The following COL14A1 variants were observed in gnomAD, a reference collection of about 807,000 sequenced individuals.
COL14A1 encodes collagen alpha-1(XIV) chain.
COL14A1 carries 136 observed loss-of-function variants against 230.3 expected under a neutral mutation model. That is an observed-to-expected ratio of 0.59 (90% CI 0.51 to 0.68). The LOEUF (loss-of-function observed/expected upper bound fraction) is 0.68, where lower values mean the gene tolerates loss of function less well. COL14A1 is among the 30% of genes least tolerant of loss of function. The probability of loss-of-function intolerance (pLI) is 0.00; values close to 1 mark genes in which losing one functional copy is unlikely to be tolerated. For synonymous variants in COL14A1, 792 were observed against 784.1 expected, an observed-to-expected ratio of 1.01 and a Z score of -0.17; for missense variants, 1,976 against 2,215.8, an observed-to-expected ratio of 0.89 and a Z score of 2.17.
At chr8:120,196,415 G>A (rs1385038780) in intron 5 of COL14A1, among the ~76,000 whole-genome samples, 1 of 152,130 alleles carries the variant, frequency 6.6e-6, no homozygotes, top group African/African-American at 2.4e-5. Flanking sequence ...CCTCCTGGCC[G>A]TCTTCCCATC....
At chr8:120,276,599 T>A (rs891009487) in intron 26 of COL14A1, among the ~76,000 whole-genome samples, 7 of 151,846 alleles carry the variant, frequency 4.6e-5, no homozygotes, top group African/African-American at 1.7e-4. Flanking sequence ...TGGTTTTCTG[T>A]CCTTGTGATA....
chr8:120,276,912 G>A (rs1323068302), intron 26 of COL14A1, among the ~76,000 whole-genome samples: 3 of 152,150 alleles, frequency 2.0e-5, no homozygotes, highest in East Asian at 3.9e-4. Context: ...TCAGAAAGAA[G>A]CAAGTTCCCT....
At chr8:120,146,020 G>A (rs1292327280) in intron 1 of COL14A1, among the ~76,000 whole-genome samples, 1 of 152,144 alleles carries the variant, frequency 6.6e-6, no homozygotes, top group Non-Finnish European at 1.5e-5. Context: ...TTCCTAAGAT[G>A]CTTCTACCAT....
intron 38 of COL14A1, 140 bp from the exon 39 acceptor site, chr8:120,315,393 A>AGT: frequency 3.3e-6 from 1 of 299,442 alleles, no homozygotes; most frequent in Non-Finnish European, 5.9e-6. Context: ...AAAAAAAAAA[A>AGT]GTGTATATAT....
At chr8:120,334,977 C>T (rs994052180) in intron 42 of COL14A1, among the ~76,000 whole-genome samples, 5 of 152,134 alleles carry the variant, frequency 3.3e-5, no homozygotes, top group Admixed American at 2.6e-4. Context: ...AGACAATAAA[C>T]GTATTTGTGC....
chr8:120,187,595 T>C (rs1176959969), intron 5 of COL14A1, among the ~76,000 whole-genome samples: 1 of 152,206 alleles, frequency 6.6e-6, no homozygotes, highest in Non-Finnish European at 1.5e-5. Flanking sequence ...TGAATAAACA[T>C]GGGTTTGGAG....
At chr8:120,283,176 G>A (rs1455092767) in intron 31 of COL14A1, among the ~76,000 whole-genome samples, 1 of 152,196 alleles carries the variant, frequency 6.6e-6, no homozygotes, top group Non-Finnish European at 1.5e-5. Context: ...GGTGGATCTG[G>A]ATGGTGCAAC....
chr8:120,296,806 G>A (rs1249747513), intron 34 of COL14A1, among the ~76,000 whole-genome samples: 5 of 151,900 alleles, frequency 3.3e-5, no homozygotes, highest in Non-Finnish European at 7.4e-5. Flanking sequence ...ATGATCAATG[G>A]CTTAAATAAG....
At chr8:120,144,491 GC>G (rs1359255850) in intron 1 of COL14A1, among the ~76,000 whole-genome samples, 10 of 152,122 alleles carry the variant, frequency 6.6e-5, no homozygotes, top group African/African-American at 2.4e-4. Flanking sequence ...GCAAGGTTCA[GC>G]ATCCGTTCTT....
Position 120,208,365 on chromosome 8 carries a change from T to TA in COL14A1, c.1321+4_1321+5insA. 6.2e-7 allele frequency: 1 copy of TA among 1,611,736 alleles called. No homozygotes were observed. The highest frequency in any genetic ancestry group is 8.5e-7 in the Non-Finnish European group (1 of 1,178,802). ...CTACGGGGAACTGAAACTACACGTATGTATTTAATTCTACCCCACTTCTAA... is the reference window on the plus strand; with the variant it reads ...CTACGGGGAACTGAAACTACACGTATAGTATTTAATTCTACCCCACTTCTAA... On this transcript the variant is annotated splice_donor_region_variant and intron_variant, in intron 11 of 47. Transcript: ENST00000297848.
At chr8:120,370,138 T>C (rs1187838400) in intron 47 of COL14A1, among the ~76,000 whole-genome samples, 1 of 152,172 alleles carries the variant, frequency 6.6e-6, no homozygotes, top group Non-Finnish European at 1.5e-5. Context: ...ACATAGTCAC[T>C]CTTGGAAGCA....
At position 120,199,420 on chromosome 8, in the gene COL14A1, T is replaced by C; in HGVS notation, c.731T>C (p.Ile244Thr). The C allele has an allele frequency of 6.2e-7, 1 of 1,602,138 alleles. No homozygotes were observed. Among genetic ancestry groups the C allele is most frequent in the East Asian group, 2.2e-5 (1 of 44,548 alleles). The change falls in exon 8 of 48, where the codon ATT (isoleucine) becomes ACT (threonine). Residue 244 changes from isoleucine to threonine, a missense_variant. Coordinates refer to ENST00000297848, the MANE Select transcript of COL14A1 (RefSeq NM_021110.4). ...NTLTGLALNYIFENSFKPEAG... is the reference protein window; with the variant it reads ...NTLTGLALNYTFENSFKPEAG... ...CTCCAAGGTCTTGCTTTGAACTACA[T>C]TTTTGAAAATAGCTTCAAACCAGAA... is the stretch of plus-strand genomic sequence containing the variant.
At chr8:120,341,164 C>T (rs1429523532) in intron 42 of COL14A1, among the ~76,000 whole-genome samples, 161 bp from the exon 43 acceptor site, 3 of 152,114 alleles carry the variant, frequency 2.0e-5, no homozygotes, top group African/African-American at 7.2e-5. Flanking sequence ...GTTTGGTGTG[C>T]GTACTGGTTG....
chr8:120,140,650 G>C (rs1020983694), intron 1 of COL14A1, among the ~76,000 whole-genome samples: 4 of 152,144 alleles, frequency 2.6e-5, no homozygotes, highest in African/African-American at 7.2e-5. Context: ...GCGTGAGAGA[G>C]AGTGAGTGTG....
chr8:120,300,150 A>C (rs542088516), intron 35 of COL14A1, among the ~76,000 whole-genome samples: 5 of 151,496 alleles, frequency 3.3e-5, no homozygotes, highest in African/African-American at 9.7e-5. Context: ...CTAAGAGAGA[A>C]GAAAAATGTT....
intron 23 of COL14A1, among the ~76,000 whole-genome samples, chr8:120,261,199 T>C (rs1240611690): frequency 6.6e-6 from 1 of 152,208 alleles, no homozygotes; most frequent in Non-Finnish European, 1.5e-5. Flanking sequence ...TATGAAAATA[T>C]CACACAAACC....
intron 1 of COL14A1, among the ~76,000 whole-genome samples, chr8:120,145,572 G>T (rs1276127505): frequency 6.6e-6 from 1 of 152,124 alleles, no homozygotes; most frequent in Non-Finnish European, 1.5e-5. Context: ...TGAGCAGATC[G>T]CACCGTTGCA....
At chr8:120,209,053 A>G (rs1817536055) in intron 11 of COL14A1, among the ~76,000 whole-genome samples, 1 of 152,218 alleles carries the variant, frequency 6.6e-6, no homozygotes, top group Non-Finnish European at 1.5e-5. Context: ...AGGCACTGTG[A>G]TCATCACTCT....
intron 40 of COL14A1, among the ~76,000 whole-genome samples, chr8:120,326,005 A>G (rs1004618162): frequency 6.6e-6 from 1 of 152,200 alleles, no homozygotes; most frequent in Non-Finnish European, 1.5e-5. Context: ...ACCCTACAAA[A>G]TGCAGTTATT....
Sources: allele counts gnomAD v4.1 joint callset (sites outside exome capture counted in the v4.1 genomes callset), GRCh38; gene constraint gnomAD v4.1.1; transcripts MANE v1.5; gene names NCBI Gene and HGNC (gene_info 2026-07-23, HGNC 2026-07-21).